Variants in STK4 observed in about 807,000 individuals in gnomAD.
STK4 encodes serine/threonine-protein kinase 4.
STK4 carries 30 observed loss-of-function variants against 64.9 expected under a neutral mutation model. The observed-to-expected ratio is 0.46, with a 90% CI of 0.35 to 0.63. The LOEUF (loss-of-function observed/expected upper bound fraction) is 0.63, where lower values mean the gene tolerates loss of function less well. Among genes scored for constraint, STK4 ranks in the 20% least tolerant of loss-of-function variants. The probability of loss-of-function intolerance (pLI) is 0.01; values close to 1 mark genes in which losing one functional copy is unlikely to be tolerated. For synonymous variants in STK4, 177 were observed against 199.0 expected (o/e 0.89, Z 0.93); for missense variants, 466 against 598.5 (o/e 0.78, Z 2.31).
At chr20:44,983,877 A>G (rs781560322) in intron 4 of STK4, among the ~76,000 whole-genome samples, 8 of 152,176 alleles carry the variant, frequency 5.3e-5, no homozygotes, top group Non-Finnish European at 1.2e-4. Context: ...TTCATATACT[A>G]TCTTCTTAAT....
Position 44,972,242 on chromosome 20 carries a change from A to G in STK4, c.116+84A>G, listed in dbSNP as rs187220333. On this transcript the variant is annotated intron_variant, in intron 2 of 10. Coordinates refer to ENST00000372806, the MANE Select transcript of STK4 (RefSeq NM_006282.5). ...AGAAGCAGAAGGATATGAACCTTTC[A>G]GCATTGTTCTAGGTGGGGTGGAAGG... 41 of 1,256,482 alleles carry G rather than the reference A, an allele frequency of 3.3e-5. No individual in the cohort carries two copies. In the African/African-American group the frequency reaches 5.6e-4, roughly 17 times the overall value. 77.8% of individuals were successfully genotyped at this position (1,256,482 alleles called of 1,614,324 possible).
In STK4 at chr20:44,997,999, C is replaced by T. The variant is rs1404561925; in HGVS notation, c.831+693C>T. Among the ~76,000 whole-genome samples the T allele has an allele frequency of 5.3e-5, 8 of 152,282 alleles. No individual in the cohort carries two copies. In the East Asian group the frequency reaches 1.5e-3, roughly 29 times the overall value. ...TTCGGGTCACTCAGCTGGTAAGTAG[C>T]ACAGTCAGTATTAGAACTTGAGCCT... On this transcript the variant is annotated intron_variant, in intron 7 of 10. Coordinates refer to ENST00000372806, the MANE Select transcript of STK4 (RefSeq NM_006282.5).
chr20:45,057,471 T>TA (rs1273757396), intron 10 of STK4, among the ~76,000 whole-genome samples: 1 of 152,200 alleles, frequency 6.6e-6, no homozygotes, highest in South Asian at 2.1e-4. Context: ...AATTAGAACT[T>TA]ACGTAGTTTT....
intron 1 of STK4, among the ~76,000 whole-genome samples, chr20:44,967,819 C>T (rs2067177279): frequency 6.6e-6 from 1 of 152,096 alleles, no homozygotes; most frequent in Admixed American, 6.5e-5. Context: ...TTCACCCTAG[C>T]GTAGTGTGCT....
chr20:45,058,496 T>C (rs1978696076), intron 10 of STK4, among the ~76,000 whole-genome samples: 1 of 152,228 alleles, frequency 6.6e-6, no homozygotes, highest in South Asian at 2.1e-4. Flanking sequence ...TGTTTAAAAT[T>C]GGATCCTATT....
intron 10 of STK4, chr20:45,053,312 G>GT: frequency 1.5e-6 from 1 of 665,400 alleles, no homozygotes; most frequent in Non-Finnish European, 2.6e-6. Context: ...AATGCCTGCG[G>GT]TTTTTGACCT....
In STK4 at chr20:45,064,769, A is replaced by G. The variant is rs569647664; in HGVS notation, c.1306-10249A>G. On this transcript the variant is annotated intron_variant, in intron 10 of 10. Transcript: ENST00000372806. The stretch of plus-strand genomic sequence containing the variant: ...TCAGTTTGGACATTGGTATATAACA[A>G]TGCTACTTATTATATTTTTGTACAT... 5.3e-5 allele frequency among the ~76,000 whole-genome samples: 8 copies of G among 152,332 alleles called. No homozygotes were observed. In the South Asian group the frequency reaches 1.0e-3, roughly 20 times the overall value.
intron 4 of STK4, among the ~76,000 whole-genome samples, chr20:44,983,273 A>G (rs1380155956): frequency 6.6e-6 from 1 of 152,200 alleles, no homozygotes; most frequent in East Asian, 1.9e-4. Flanking sequence ...CTGGATTCTA[A>G]GCAAGTGAGC....
At chr20:45,055,685 A>G (rs902196101) in intron 10 of STK4, among the ~76,000 whole-genome samples, 1 of 150,920 alleles carries the variant, frequency 6.6e-6, no homozygotes, top group Admixed American at 6.6e-5. Flanking sequence ...TCAGCTTACT[A>G]ATTTTTAATT....
rs182627550 is a variant in STK4 at position 44,966,736 on chromosome 20, G to C, written c.35+133G>C. 7.0e-4 allele frequency: 741 copies of C among 1,051,994 alleles called. 7 individuals are homozygous for C. The East Asian group carries it at 0.016, about 23-fold the overall frequency. The allele number at this position is 1,051,994 out of a possible 1,614,324, so 65.2% of individuals were successfully genotyped here. ...GCCGATGGGGCACCTGCTGAGTGAGGGGGGGGACGTCTGGTGGGTGAGGGT... is the reference window on the plus strand; with the variant it reads ...GCCGATGGGGCACCTGCTGAGTGAGCGGGGGGACGTCTGGTGGGTGAGGGT... On this transcript the variant is annotated intron_variant, in intron 1 of 10. Transcript: ENST00000372806.
chr20:45,054,577 T>TTAAAAA (rs1568758959), intron 10 of STK4, among the ~76,000 whole-genome samples: 1 of 125,530 alleles, frequency 8.0e-6, no homozygotes. Flanking sequence ...TTTTTTTTTT[T>TTAAAAA]CAAAAAAAAA....
intron 3 of STK4, among the ~76,000 whole-genome samples, chr20:44,979,389 A>C (rs1190531994): frequency 2.0e-5 from 3 of 152,140 alleles, no homozygotes; most frequent in Non-Finnish European, 2.9e-5. Context: ...ATTTTTGAGG[A>C]ACTAAGATTT....
intron 4 of STK4, among the ~76,000 whole-genome samples, chr20:44,983,283 C>T (rs1044286730): frequency 3.9e-5 from 6 of 152,114 alleles, no homozygotes; most frequent in Admixed American, 1.3e-4. Flanking sequence ...AGCAAGTGAG[C>T]GAGCCATCTG....
intron 7 of STK4, 96 bp downstream of exon 7, chr20:44,997,402 A>G (rs2067754372): frequency 1.4e-6 from 2 of 1,467,474 alleles, no homozygotes; most frequent in Admixed American, 2.4e-5. Context: ...GTAAAGAAGT[A>G]TAAGGCAGGC....
At chr20:45,054,615 G>A (rs1019835831) in intron 10 of STK4, among the ~76,000 whole-genome samples, 1 of 143,346 alleles carries the variant, frequency 7.0e-6, no homozygotes, top group African/African-American at 2.6e-5. Context: ...AGACCCCAGA[G>A]TCAGACAGAA....
chr20:45,031,260 A>G (rs1331055576), intron 10 of STK4, among the ~76,000 whole-genome samples: 1 of 152,108 alleles, frequency 6.6e-6, no homozygotes, highest in East Asian at 1.9e-4. Flanking sequence ...ACATCAGTGA[A>G]GAGGGGAAGC....
At chr20:44,968,411 A>C (rs2067189730) in intron 1 of STK4, among the ~76,000 whole-genome samples, 1 of 152,224 alleles carries the variant, frequency 6.6e-6, no homozygotes, top group Admixed American at 6.5e-5. Flanking sequence ...TGGTGGGATT[A>C]CAGGCGTGAG....
chr20:44,981,749 A>C (rs1295457255), intron 3 of STK4, 80 bp from the exon 4 acceptor site: 1 of 809,902 alleles, frequency 1.2e-6, no homozygotes, highest in African/African-American at 1.7e-5. Context: ...ATGAGGAATT[A>C]ATTTGTATAT....
intron 2 of STK4, among the ~76,000 whole-genome samples, chr20:44,976,833 G>C (rs1325272259): frequency 6.6e-6 from 1 of 152,206 alleles, no homozygotes; most frequent in Admixed American, 6.5e-5. Context: ...AATTCTCGTA[G>C]TCTCAAATGG....
Sources: gnomAD v4.1 joint callset for allele counts (sites outside exome capture counted in the v4.1 genomes callset) on GRCh38, gnomAD v4.1.1 for gene constraint, MANE v1.5 for transcripts, NCBI Gene and HGNC (gene_info 2026-07-23, HGNC 2026-07-21) for gene names.